The following VRK2 variants were observed in gnomAD, a reference collection of about 807,000 sequenced individuals.
VRK2 encodes serine/threonine-protein kinase VRK2.
A neutral mutation model predicts 57.6 loss-of-function variants in VRK2; 60 were observed. The ratio of observed to expected loss-of-function variants is 1.04; its 90% CI spans 0.85 to 1.29. The LOEUF (loss-of-function observed/expected upper bound fraction) is 1.29, where lower values mean the gene tolerates loss of function less well. Ranked by LOEUF, VRK2 falls within the 50% of genes most tolerant of loss-of-function variation. The probability of loss-of-function intolerance (pLI) is 0.00; values close to 1 mark genes in which losing one functional copy is unlikely to be tolerated. For missense variants in VRK2, 705 were observed against 588.1 expected (o/e 1.20, Z -2.06); for synonymous variants, 231 against 199.2 (o/e 1.16, Z -1.35).
At chr2:57,938,879 T>A (rs1448178348) in intron 1 of VRK2, among the ~76,000 whole-genome samples, 1 of 152,170 alleles carries the variant, frequency 6.6e-6, no homozygotes, top group African/African-American at 2.4e-5. Flanking sequence ...AGAACTTGCT[T>A]TCCTCTTCTT....
chr2:57,917,191 T>C (rs1337499438), intron 1 of VRK2, among the ~76,000 whole-genome samples: 2 of 152,128 alleles, frequency 1.3e-5, no homozygotes, highest in Non-Finnish European at 2.9e-5. Context: ...ACCTGGGAGA[T>C]AATTTGTTGA....
rs143230293 is a variant in VRK2 at position 58,012,380 on chromosome 2, G to A, written c.-438-13285G>A. 2.4e-3 allele frequency among the ~76,000 whole-genome samples: 360 copies of A among 152,208 alleles called. 1 individual carries two copies. Among genetic ancestry groups the A allele is most frequent in the Middle Eastern group, 0.01 (3 of 294 alleles). ...GAACCCTCTCTTGGGGTCTGGATTG[G>A]GACCCCTTTCCTGTAACATGAGCAC... On this transcript the variant is annotated intron_variant, in intron 1 of 15. Transcript: ENST00000417641.
intron 1 of VRK2, among the ~76,000 whole-genome samples, chr2:57,916,695 A>G (rs947093703): frequency 2.0e-5 from 3 of 152,176 alleles, no homozygotes; most frequent in Non-Finnish European, 4.4e-5. Flanking sequence ...ATCTTGCCCA[A>G]AGTGATGCAG....
intron 10 of VRK2, among the ~76,000 whole-genome samples, chr2:58,136,948 C>CAT (rs1431488518): frequency 1.6e-5 from 2 of 127,444 alleles, no homozygotes; most frequent in Admixed American, 8.5e-5. Flanking sequence ...TATTATATAT[C>CAT]ATATATGTGT....
intron 1 of VRK2, among the ~76,000 whole-genome samples, chr2:58,015,491 T>C (rs145530329): frequency 3.3e-5 from 5 of 152,296 alleles, no homozygotes; most frequent in East Asian, 1.9e-4. Flanking sequence ...TATTATTTTA[T>C]ATTAAATTAA....
chr2:58,111,079 C>T lies in VRK2; in HGVS notation c.544-12022C>T, dbSNP rs561419948. ...GGCTGCAACACTACATTTTCAATCA[C>T]AAAGTATCAAAATGGAAAGCCTGTA... On this transcript the variant is annotated intron_variant, in intron 7 of 12. Transcript: ENST00000340157. Among the ~76,000 whole-genome samples, 231 of 152,270 alleles carry T rather than the reference C, an allele frequency of 1.5e-3. 1 individual carries two copies. Among genetic ancestry groups the T allele is most frequent in the African/African-American group, 5.4e-3 (226 of 41,540 alleles).
At chr2:58,123,845 A>G (rs1299790597) in intron 8 of VRK2, among the ~76,000 whole-genome samples, 1 of 150,028 alleles carries the variant, frequency 6.7e-6, no homozygotes, top group African/African-American at 2.5e-5. Context: ...ACAGAGCAAG[A>G]CCCCTCAGAA....
intron 2 of VRK2, among the ~76,000 whole-genome samples, chr2:58,059,004 A>G (rs566239613): frequency 6.6e-6 from 1 of 152,204 alleles, no homozygotes; most frequent in Admixed American, 6.6e-5. Flanking sequence ...TGTAACTGAT[A>G]GTATTGGCAG....
At chr2:58,151,628 G>A (rs1303550896) in intron 12 of VRK2, among the ~76,000 whole-genome samples, 1 of 147,200 alleles carries the variant, frequency 6.8e-6, no homozygotes, top group African/African-American at 2.5e-5. Context: ...CCATTATGCA[G>A]TTTGCTTTCT....
intron 1 of VRK2, among the ~76,000 whole-genome samples, chr2:57,987,041 A>G (rs1410213714): frequency 2.0e-5 from 3 of 152,232 alleles, no homozygotes; most frequent in Non-Finnish European, 4.4e-5. Context: ...CTCACACCAT[A>G]TACAAAAATT....
At chr2:57,937,827 C>CTTTT (rs778615422) in intron 1 of VRK2, among the ~76,000 whole-genome samples, 64 of 89,930 alleles carry the variant, frequency 7.1e-4, no homozygotes, top group African/African-American at 8.8e-4. Flanking sequence ...GTTTATCTTT[C>CTTTT]TTTTTTTTTT....
At chr2:58,095,304 A>C (rs532153697) in intron 7 of VRK2, among the ~76,000 whole-genome samples, 2 of 152,220 alleles carry the variant, frequency 1.3e-5, no homozygotes, top group South Asian at 2.1e-4. Context: ...AAAAAAAAAA[A>C]AAAAAAAATA....
At chr2:57,977,864 T>C (rs912266953) in intron 1 of VRK2, among the ~76,000 whole-genome samples, 3 of 151,188 alleles carry the variant, frequency 2.0e-5, no homozygotes, top group Admixed American at 1.3e-4. Flanking sequence ...TTGTCAGAGA[T>C]GGCTCTTATC....
At chr2:57,955,671 A>C (rs1167961494) in intron 1 of VRK2, among the ~76,000 whole-genome samples, 1 of 152,198 alleles carries the variant, frequency 6.6e-6, no homozygotes, top group Non-Finnish European at 1.5e-5. Flanking sequence ...TGATAGGTTG[A>C]TAGGTGCAGC....
At chr2:58,120,392 T>C (rs906940926) in intron 7 of VRK2, among the ~76,000 whole-genome samples, 2 of 151,930 alleles carry the variant, frequency 1.3e-5, no homozygotes, top group Non-Finnish European at 2.9e-5. Context: ...GGTTTCACCA[T>C]GTTGGCCAGG....
intron 1 of VRK2, among the ~76,000 whole-genome samples, chr2:58,008,299 G>T (rs1375310143): frequency 6.6e-6 from 1 of 151,858 alleles, no homozygotes; most frequent in East Asian, 1.9e-4. Flanking sequence ...GTCAACTGAT[G>T]AAAATACATA....
chr2:58,116,737 A>C (rs1356947917), intron 7 of VRK2, among the ~76,000 whole-genome samples: 1 of 152,192 alleles, frequency 6.6e-6, no homozygotes, highest in Non-Finnish European at 1.5e-5. Flanking sequence ...CCAGAGTTCC[A>C]GGGGCTCTGG....
chr2:57,909,860 T>C (rs1330912663), intron 1 of VRK2, among the ~76,000 whole-genome samples: 1 of 152,160 alleles, frequency 6.6e-6, no homozygotes, highest in Non-Finnish European at 1.5e-5. Context: ...AACAGTTTCA[T>C]TTGAACCTCT....
At chr2:58,001,407 A>C (rs1226518751) in intron 1 of VRK2, among the ~76,000 whole-genome samples, 1 of 152,228 alleles carries the variant, frequency 6.6e-6, no homozygotes, top group East Asian at 1.9e-4. Context: ...ACAAATTCAA[A>C]ATGAAATGAC....
Sources: allele counts gnomAD v4.1 joint callset (sites outside exome capture counted in the v4.1 genomes callset), GRCh38; gene constraint gnomAD v4.1.1; transcripts MANE v1.5; gene names NCBI Gene and HGNC (gene_info 2026-07-23, HGNC 2026-07-21).